AIG1: variants seen among roughly 807,000 people sequenced by gnomAD.
AIG1 encodes the protein androgen-induced gene 1 protein.
Under a neutral mutation model 31.4 loss-of-function variants are expected in AIG1, and 23 were observed. That is an observed-to-expected ratio of 0.73 (90% CI 0.53 to 1.04). AIG1 has a LOEUF of 1.04. Ranked by LOEUF, AIG1 falls within the 50% of genes least tolerant of loss-of-function variation. The pLI is 0.00. For synonymous variants in AIG1, 100 were observed against 110.5 expected (o/e 0.90, Z 0.60); for missense variants, 274 against 295.0 (o/e 0.93, Z 0.52).
At chr6:143,295,321 G>A (rs556711106) in intron 4 of AIG1, among the ~76,000 whole-genome samples, 1 of 152,286 alleles carries the variant, frequency 6.6e-6, no homozygotes, top group South Asian at 2.1e-4. Context: ...GGATCCCAGA[G>A]TAATCTTTTA....
intron 2 of AIG1, among the ~76,000 whole-genome samples, chr6:143,152,405 A>T (rs1374592513): frequency 6.6e-6 from 1 of 152,208 alleles, no homozygotes; most frequent in Non-Finnish European, 1.5e-5. Flanking sequence ...AGACAGCAAG[A>T]GTTTGATTAT....
intron 3 of AIG1, among the ~76,000 whole-genome samples, chr6:143,177,314 G>GT (rs1164836819): frequency 7.2e-5 from 11 of 152,136 alleles, no homozygotes; most frequent in Non-Finnish European, 1.6e-4. Context: ...TTTGGGGTCT[G>GT]TTACTTAGAG....
At chr6:143,175,585 G>A (rs543484418) in intron 3 of AIG1, among the ~76,000 whole-genome samples, 1 of 151,964 alleles carries the variant, frequency 6.6e-6, no homozygotes, top group African/African-American at 2.4e-5. Context: ...TCTTCTACTT[G>A]TTCAGTTCTA....
At position 143,330,770 on chromosome 6, in the gene AIG1, T is replaced by C. The variant is rs767348652; in HGVS notation, c.516-2512T>C. Among the ~76,000 whole-genome samples, 1 of 152,214 alleles carries C rather than the reference T, an allele frequency of 6.6e-6. No homozygotes were observed. The highest frequency in any genetic ancestry group is 1.5e-5 in the Non-Finnish European group (1 of 68,042). The stretch of plus-strand genomic sequence containing the variant: ...TCAATTACAGCTTAATGGTGTTAAA[T>C]TGGGGGAATATTGCATATTCTCTCC... On this transcript the variant is annotated intron_variant, in intron 4 of 5. Coordinates refer to ENST00000357847, the MANE Select transcript of AIG1 (RefSeq NM_016108.4). The surrounding 1 kb of genome is among the most constrained non-coding windows in gnomAD (Gnocchi z 4.4).
At position 143,340,459 on chromosome 6, in the gene AIG1, A is replaced by ATTTTTTTTTTTT; in HGVS notation, c.*793_*794insTTTTTTTTTTTT. Among the ~76,000 whole-genome samples the ATTTTTTTTTTTT allele has an allele frequency of 6.6e-6, 1 of 150,832 alleles. No homozygotes were observed. The highest frequency in any genetic ancestry group is 2.4e-5 in the African/African-American group (1 of 41,042). On this transcript the variant is annotated 3_prime_UTR_variant, in exon 6 of 6. Coordinates refer to ENST00000357847, the MANE Select transcript of AIG1 (RefSeq NM_016108.4). Reference sequence around the variant, plus strand: ...AATCTTTTTGATAACTCCAAAACAAATTTTTTTTTTCTTTTTTTCCAGATG... The same window carrying ATTTTTTTTTTTT: ...AATCTTTTTGATAACTCCAAAACAAATTTTTTTTTTTTTTTTTTTTTTCTTTTTTTCCAGATG...
intron 4 of AIG1, among the ~76,000 whole-genome samples, chr6:143,307,771 T>A (rs1229409788): frequency 6.6e-6 from 1 of 152,210 alleles, no homozygotes; most frequent in African/African-American, 2.4e-5. Context: ...AGGTTACTGC[T>A]GTCTTTTTGT....
At chr6:143,161,185 C>G (rs1009955506) in intron 2 of AIG1, among the ~76,000 whole-genome samples, 1 of 152,166 alleles carries the variant, frequency 6.6e-6, no homozygotes, top group Admixed American at 6.5e-5. Flanking sequence ...CCAAAATCAA[C>G]TCAAGCAAAG....
At chr6:143,300,961 T>C (rs1213298906) in intron 4 of AIG1, among the ~76,000 whole-genome samples, 2 of 152,282 alleles carry the variant, frequency 1.3e-5, no homozygotes, top group African/African-American at 4.8e-5. Flanking sequence ...TTTTATTTTA[T>C]TTATTTCTTT....
chr6:143,276,502 C>A (rs965370692), intron 3 of AIG1, among the ~76,000 whole-genome samples: 1 of 152,176 alleles, frequency 6.6e-6, no homozygotes, highest in Non-Finnish European at 1.5e-5. Flanking sequence ...AGGTATCCAA[C>A]ATATGCCAAA....
At chr6:143,101,087 T>A (rs1009114770) in intron 1 of AIG1, among the ~76,000 whole-genome samples, 1 of 151,942 alleles carries the variant, frequency 6.6e-6, no homozygotes, top group African/African-American at 2.4e-5. Flanking sequence ...TTCATATAAT[T>A]TTTTTTGCTT....
intron 3 of AIG1, among the ~76,000 whole-genome samples, chr6:143,266,314 T>G (rs902899697): frequency 2.8e-5 from 4 of 142,182 alleles, no homozygotes; most frequent in Non-Finnish European, 5.9e-5. Flanking sequence ...GCCATTGCAC[T>G]CTGGCCTGGA....
chr6:143,314,943 T>C (rs1476023910), intron 4 of AIG1, among the ~76,000 whole-genome samples: 1 of 152,134 alleles, frequency 6.6e-6, no homozygotes, highest in Non-Finnish European at 1.5e-5. Context: ...GAATCATCTA[T>C]TTTGGAAAAA....
Position 143,292,096 on chromosome 6 carries a change from C to G in AIG1, c.515+7871C>G, listed in dbSNP as rs1798099119. Among the ~76,000 whole-genome samples the G allele has an allele frequency of 6.6e-6, 1 of 152,100 alleles. No individual in the cohort carries two copies. Among genetic ancestry groups the G allele is most frequent in the South Asian group, 2.1e-4 (1 of 4,824 alleles). ...TTGAAGGTAGGGTCAATAGGATTTC[C>G]TGGCCAAATTTAAATTAAACCCTGG... On this transcript the variant is annotated intron_variant, in intron 4 of 5. Transcript: ENST00000357847. The surrounding 1 kb of genome is among the most constrained non-coding windows in gnomAD (Gnocchi z 4.9).
In AIG1 at chr6:143,327,864, A is replaced by G. The variant is rs182977306; in HGVS notation, c.516-5418A>G. Among the ~76,000 whole-genome samples the G allele has an allele frequency of 1.3e-5, 2 of 152,302 alleles. No homozygotes were observed. Among genetic ancestry groups the G allele is most frequent in the Admixed American group, 1.3e-4 (2 of 15,296 alleles). The stretch of plus-strand genomic sequence containing the variant: ...AAAGAACATGATTTTGTCTTTAGAT[A>G]TATTGAGTTTGAGGTATCTTTAAGA... On this transcript the variant is annotated intron_variant, in intron 4 of 5. Transcript: ENST00000357847. The surrounding 1 kb of genome is among the most constrained non-coding windows in gnomAD (Gnocchi z 5.3).
intron 1 of AIG1, among the ~76,000 whole-genome samples, chr6:143,075,670 T>G (rs1406164387): frequency 2.6e-5 from 4 of 152,222 alleles, no homozygotes; most frequent in Non-Finnish European, 4.4e-5. Flanking sequence ...TTTGTTCTTC[T>G]TTAACTAATT....
At chr6:143,262,399 C>T (rs1271117671) in intron 3 of AIG1, among the ~76,000 whole-genome samples, 1 of 152,142 alleles carries the variant, frequency 6.6e-6, no homozygotes, top group Non-Finnish European at 1.5e-5. Context: ...ACAGCTCTGC[C>T]TTACACTGAT....
rs1301250489 is a variant in AIG1, at chr6:143,298,515, G to C, written c.515+14290G>C. 6.6e-6 allele frequency among the ~76,000 whole-genome samples: 1 copy of C among 152,238 alleles called. No individual in the cohort carries two copies. Among genetic ancestry groups the C allele is most frequent in the Non-Finnish European group, 1.5e-5 (1 of 68,052 alleles). ...AAAAAGGCATCTTCCAAGTAGATAAGTCTAATATAAGATGCTATCCATTTA... is the reference window on the plus strand; with the variant it reads ...AAAAAGGCATCTTCCAAGTAGATAACTCTAATATAAGATGCTATCCATTTA... On this transcript the variant is annotated intron_variant, in intron 4 of 5. Coordinates refer to ENST00000357847, the MANE Select transcript of AIG1 (RefSeq NM_016108.4). This position sits in a 1 kb window ranked among gnomAD's most constrained non-coding sequence, Gnocchi z 5.1.
At chr6:143,277,921 A>G (rs1797060932) in intron 3 of AIG1, among the ~76,000 whole-genome samples, 1 of 152,214 alleles carries the variant, frequency 6.6e-6, no homozygotes, top group South Asian at 2.1e-4. Flanking sequence ...CTAGAGATCT[A>G]AAATAGTCTT....
intron 2 of AIG1, 35 bp downstream of exon 2, chr6:143,137,025 G>T: frequency 7.5e-7 from 1 of 1,330,744 alleles, no homozygotes. Context: ...AGCCACAAAA[G>T]AAACTTGGCT....
Sources: gnomAD v4.1 joint callset for allele counts (sites outside exome capture counted in the v4.1 genomes callset) on GRCh38, gnomAD v4.1.1 for gene constraint, Gnocchi (gnomAD v3.1) non-coding constraint, MANE v1.5 for transcripts, NCBI Gene and HGNC (gene_info 2026-07-23, HGNC 2026-07-21) for gene names.